Variants in ZGRF1 observed in about 807,000 individuals in gnomAD.
The protein encoded by ZGRF1 is zinc finger GRF-type containing 1.
In ZGRF1, 196 loss-of-function variants were observed where a neutral mutation model predicts 203.5. The observed-to-expected ratio is 0.96, with a 90% CI of 0.86 to 1.08. The LOEUF (loss-of-function observed/expected upper bound fraction) is 1.08. Ranked by LOEUF, ZGRF1 falls within the 50% of genes least tolerant of loss-of-function variation. The probability of loss-of-function intolerance (pLI) is 0.00; values close to 1 mark genes in which losing one functional copy is unlikely to be tolerated. For synonymous variants in ZGRF1, 809 were observed against 841.3 expected, an observed-to-expected ratio of 0.96 and a Z score of 0.66; for missense variants, 2,326 against 2,416.3, an observed-to-expected ratio of 0.96 and a Z score of 0.78.
At chr4:112,546,006 G>C (rs1187941338) in intron 24 of ZGRF1, among the ~76,000 whole-genome samples, 1 of 151,198 alleles carries the variant, frequency 6.6e-6, no homozygotes, top group Non-Finnish European at 1.5e-5. Context: ...ATTTCTGTTT[G>C]GGATAATGAA....
chr4:112,556,426 T>C (rs1467753901), intron 20 of ZGRF1, among the ~76,000 whole-genome samples: 1 of 152,222 alleles, frequency 6.6e-6, no homozygotes, highest in Non-Finnish European at 1.5e-5. Flanking sequence ...AGTCTCACTT[T>C]GTCACCCAGG....
intron 19 of ZGRF1, among the ~76,000 whole-genome samples, chr4:112,558,915 G>A (rs1454863778): frequency 6.6e-6 from 1 of 152,184 alleles, no homozygotes; most frequent in Non-Finnish European, 1.5e-5. Context: ...TTTTGATGGA[G>A]GTGGGAGTAC....
intron 3 of ZGRF1, among the ~76,000 whole-genome samples, chr4:112,630,980 C>T (rs1350233640): frequency 1.3e-5 from 2 of 152,102 alleles, no homozygotes; most frequent in East Asian, 3.9e-4. Flanking sequence ...GCTCCTCCAC[C>T]TTCCAGCTTT....
At chr4:112,589,240 T>C (rs533389123) in intron 11 of ZGRF1, among the ~76,000 whole-genome samples, 1 of 152,204 alleles carries the variant, frequency 6.6e-6, no homozygotes, top group East Asian at 1.9e-4. Context: ...AGCTGACTCA[T>C]AGTGAAGGGC....
chr4:112,584,381 T>C (rs1049520381), intron 14 of ZGRF1, among the ~76,000 whole-genome samples: 1 of 152,208 alleles, frequency 6.6e-6, no homozygotes, highest in African/African-American at 2.4e-5. Flanking sequence ...AAAGATTACA[T>C]TATTCTGAGA....
At chr4:112,630,664 T>G (rs1320564109) in intron 3 of ZGRF1, among the ~76,000 whole-genome samples, 1 of 151,278 alleles carries the variant, frequency 6.6e-6, no homozygotes, top group East Asian at 2.0e-4. Flanking sequence ...ATTAGTAATA[T>G]TTGGATCACC....
rs564358386 is a variant in ZGRF1 at position 112,541,263 on chromosome 4, G to A, written c.5604C>T (p.His1868=). ...ATTGAGTTCTCAATAGAATTGGCTTGTGACCCTAAGAAATTTAAATGAAGA... is the reference window on the plus strand; with the variant it reads ...ATTGAGTTCTCAATAGAATTGGCTTATGACCCTAAGAAATTTAAATGAAGA... ...TLFDRLCLMG[H]KPILLRTQYR... Residue 1868 remains histidine (H), a synonymous_variant, in exon 25 of 28, where the codon CAC becomes CAT. Transcript: ENST00000505019. The A allele has an allele frequency of 4.6e-6, 7 of 1,524,498 alleles. No homozygotes were observed. The Admixed American group carries it at 7.7e-5, about 17-fold the overall frequency. 94.4% of individuals were successfully genotyped at this position (1,524,498 alleles called of 1,614,324 possible). A position where few individuals can be genotyped will look rare whatever the true frequency, so the allele number is the denominator to read the frequency against.
chr4:112,545,199 ACAAC>A (rs1025734492), intron 24 of ZGRF1, among the ~76,000 whole-genome samples: 16 of 152,006 alleles, frequency 1.1e-4, no homozygotes, highest in Non-Finnish European at 2.1e-4. Flanking sequence ...AAGTGAAAAG[ACAAC>A]CAACAAAATG....
chr4:112,587,651 A>G lies in ZGRF1; in HGVS notation c.3406T>C (p.Ser1136Pro). Residue 1136 changes from serine (S) to proline (P), a missense_variant, in exon 12 of 28, where the codon TCA becomes CCA. Transcript: ENST00000505019. ...CTCTGAGTAGATATATTATTAAGTGAAACATCCCCTGGATTCACTTCCCTA... is the reference window on the plus strand; with the variant it reads ...CTCTGAGTAGATATATTATTAAGTGGAACATCCCCTGGATTCACTTCCCTA... ...ESREVNPGDVSLNNISTQSKW... is the reference protein window; with the variant it reads ...ESREVNPGDVPLNNISTQSKW... 1 of 1,613,762 alleles carries G rather than the reference A, an allele frequency of 6.2e-7. No homozygotes were observed.
At chr4:112,541,653 C>T (rs1282316532) in intron 24 of ZGRF1, among the ~76,000 whole-genome samples, 2 of 151,504 alleles carry the variant, frequency 1.3e-5, no homozygotes, top group South Asian at 2.1e-4. Flanking sequence ...CTCAGCCTCC[C>T]GAGTAGCTGG....
At chr4:112,625,461 T>TG (rs1390622841) in intron 3 of ZGRF1, among the ~76,000 whole-genome samples, 1 of 150,518 alleles carries the variant, frequency 6.6e-6, no homozygotes, top group Admixed American at 6.7e-5. Context: ...GGCAGGCGCC[T>TG]GTAGTCCCAG....
At chr4:112,596,106 A>C (rs191889494) in intron 10 of ZGRF1, among the ~76,000 whole-genome samples, 24 of 152,378 alleles carry the variant, frequency 1.6e-4, no homozygotes, top group African/African-American at 5.5e-4. Flanking sequence ...AATGGACATA[A>C]GTTTCTTTTT....
Position 112,581,809 on chromosome 4 carries a change from A to C in ZGRF1, c.4299-7T>G, listed in dbSNP as rs1454358808. ...CTGAAAATCAAATCCTTTTCTGAAA[A>C]GGGAATAAAAAATAAAAATGAATTG... On this transcript the variant is annotated splice_region_variant and splice_polypyrimidine_tract_variant and intron_variant, in intron 15 of 27. Transcript: ENST00000505019. 2.3e-6 allele frequency: 3 copies of C among 1,317,512 alleles called. No homozygotes were observed. Among genetic ancestry groups the C allele is most frequent in the Non-Finnish European group, 3.0e-6 (3 of 990,198 alleles). The allele number at this position is 1,317,512 out of a possible 1,614,324, so 81.6% of individuals were successfully genotyped here.
intron 16 of ZGRF1, among the ~76,000 whole-genome samples, chr4:112,567,776 A>G (rs1201441906): frequency 1.3e-5 from 2 of 152,144 alleles, no homozygotes; most frequent in Non-Finnish European, 2.9e-5. Flanking sequence ...AAATAAAAAC[A>G]TTAGCTGGGT....
chr4:112,565,315 C>T lies in ZGRF1; in HGVS notation c.4439-2041G>A, dbSNP rs1742830323. 4 of 1,449,886 alleles carry T rather than the reference C, an allele frequency of 2.8e-6. No homozygotes were observed. In the East Asian group the frequency reaches 6.8e-5, roughly 25 times the overall value. The allele number at this position is 1,449,886 out of a possible 1,614,324, so 89.8% of individuals were successfully genotyped here. ...GGTTGGCCTTTTTGAAGACACCAACCTGTGTGCTATCCATGCCAAACGTGT... is the reference window on the plus strand; with the variant it reads ...GGTTGGCCTTTTTGAAGACACCAACTTGTGTGCTATCCATGCCAAACGTGT... On this transcript the variant is annotated intron_variant, in intron 16 of 27. Coordinates refer to ENST00000505019, the MANE Select transcript of ZGRF1 (RefSeq NM_018392.5).
At chr4:112,583,701 G>A (rs1358930601) in intron 15 of ZGRF1, among the ~76,000 whole-genome samples, 2 of 152,006 alleles carry the variant, frequency 1.3e-5, no homozygotes, top group Non-Finnish European at 2.9e-5. Flanking sequence ...CTACTCAGGA[G>A]GCTGAGGTGG....
At chr4:112,567,384 C>CAAGGGA (rs1743322792) in intron 16 of ZGRF1, among the ~76,000 whole-genome samples, 1 of 151,672 alleles carries the variant, frequency 6.6e-6, no homozygotes, top group Non-Finnish European at 1.5e-5. Flanking sequence ...ACTATAGAAT[C>CAAGGGA]ATATAGAAAA....
chr4:112,630,356 A>G (rs1459243943), intron 3 of ZGRF1, among the ~76,000 whole-genome samples: 3 of 152,048 alleles, frequency 2.0e-5, no homozygotes, highest in Non-Finnish European at 4.4e-5. Context: ...CGTGTCTATT[A>G]AAAATACAAA....
intron 6 of ZGRF1, among the ~76,000 whole-genome samples, chr4:112,616,491 C>A (rs1300532887): frequency 2.7e-4 from 40 of 147,716 alleles, no homozygotes; most frequent in African/African-American, 9.3e-4. Context: ...CACCACTGCA[C>A]TCCAGCCTGG....
Sources: gnomAD v4.1 joint callset for allele counts (sites outside exome capture counted in the v4.1 genomes callset) on GRCh38, gnomAD v4.1.1 for gene constraint, MANE v1.5 for transcripts, NCBI Gene and HGNC (gene_info 2026-07-23, HGNC 2026-07-21) for gene names.